Variants in KIF13B observed in about 807,000 individuals in gnomAD.
The protein encoded by KIF13B is kinesin family member 13B.
KIF13B carries 127 observed loss-of-function variants against 222.0 expected under a neutral mutation model. The ratio of observed to expected loss-of-function variants is 0.57; its 90% CI spans 0.50 to 0.66. KIF13B has a LOEUF of 0.66. Ranked by LOEUF, KIF13B falls within the 30% of genes least tolerant of loss-of-function variation. KIF13B has a pLI of 0.00. For synonymous variants in KIF13B, 976 were observed against 919.0 expected (o/e 1.06, Z -1.12); for missense variants, 2,173 against 2,379.0 (o/e 0.91, Z 1.80).
At chr8:29,174,789 C>T (rs893168952) in intron 10 of KIF13B, among the ~76,000 whole-genome samples, 19 of 152,184 alleles carry the variant, frequency 1.2e-4, no homozygotes, top group Non-Finnish European at 2.1e-4. Flanking sequence ...AACACACTGA[C>T]ATTTACGTAA....
chr8:29,163,044 AC>A (rs1156717342), intron 12 of KIF13B, among the ~76,000 whole-genome samples: 1 of 152,190 alleles, frequency 6.6e-6, no homozygotes, highest in Non-Finnish European at 1.5e-5. Context: ...TTGTCTGTCA[AC>A]CCCTGATCTA....
chr8:29,115,398 C>T (rs1422872325), intron 31 of KIF13B, among the ~76,000 whole-genome samples: 3 of 150,828 alleles, frequency 2.0e-5, no homozygotes, highest in Admixed American at 6.6e-5. Flanking sequence ...GCAATCTTGG[C>T]TCACCGCAAC....
intron 2 of KIF13B, among the ~76,000 whole-genome samples, chr8:29,225,164 G>A (rs977162232): frequency 3.3e-5 from 5 of 152,222 alleles, no homozygotes; most frequent in Non-Finnish European, 7.3e-5. Flanking sequence ...ATAGAGAATA[G>A]CACGACAGTG....
intron 2 of KIF13B, among the ~76,000 whole-genome samples, chr8:29,244,334 T>C (rs1333640318): frequency 6.6e-6 from 1 of 152,140 alleles, no homozygotes; most frequent in Non-Finnish European, 1.5e-5. Context: ...TCAACTCAAT[T>C]AAACTCAACT....
chr8:29,090,595 A>C (rs780210069), intron 37 of KIF13B, among the ~76,000 whole-genome samples: 1 of 152,196 alleles, frequency 6.6e-6, no homozygotes, highest in Non-Finnish European at 1.5e-5. Flanking sequence ...CCCTGAGAAA[A>C]GGGAAATGCC....
chr8:29,220,412 T>G (rs1429934174), intron 2 of KIF13B, among the ~76,000 whole-genome samples: 1 of 152,200 alleles, frequency 6.6e-6, no homozygotes, highest in African/African-American at 2.4e-5. Flanking sequence ...TTTTTCATCT[T>G]CAGTTGTCTC....
At chr8:29,188,443 CA>C in intron 5 of KIF13B, 71 bp downstream of exon 5, 1 of 921,672 alleles carries the variant, frequency 1.1e-6, no homozygotes, top group Non-Finnish European at 1.7e-6. Flanking sequence ...CAATGTTACT[CA>C]GTAAAATAAA....
intron 10 of KIF13B, among the ~76,000 whole-genome samples, chr8:29,173,694 G>A (rs1386004083): frequency 1.3e-5 from 2 of 151,520 alleles, no homozygotes; most frequent in African/African-American, 2.4e-5. Flanking sequence ...CTGTAATCCC[G>A]GCACTTCAGG....
chr8:29,194,200 C>T (rs1165022285), intron 3 of KIF13B, among the ~76,000 whole-genome samples: 1 of 151,566 alleles, frequency 6.6e-6, no homozygotes, highest in Non-Finnish European at 1.5e-5. Flanking sequence ...TTGGTTGAAC[C>T]ACAGATGTGA....
chr8:29,136,564 C>G (rs897145942), intron 21 of KIF13B, among the ~76,000 whole-genome samples: 2 of 123,092 alleles, frequency 1.6e-5, no homozygotes, highest in South Asian at 5.5e-4. Flanking sequence ...GCCTGGGCAA[C>G]AAGAGCGAAA....
At chr8:29,133,061 A>G (rs1438763334) in intron 22 of KIF13B, among the ~76,000 whole-genome samples, 2 of 152,160 alleles carry the variant, frequency 1.3e-5, no homozygotes, top group African/African-American at 4.8e-5. Flanking sequence ...CTCTCTATCT[A>G]TCTTTAATGT....
intron 30 of KIF13B, 136 bp downstream of exon 30, chr8:29,118,732 C>T: frequency 1.2e-6 from 1 of 830,390 alleles, no homozygotes; most frequent in South Asian, 1.7e-5. Flanking sequence ...TTCTGGAAGT[C>T]ATGATGAAAG....
At chr8:29,203,336 AC>A (rs1011756204) in intron 2 of KIF13B, among the ~76,000 whole-genome samples, 31 of 152,150 alleles carry the variant, frequency 2.0e-4, no homozygotes, top group African/African-American at 7.2e-4. Flanking sequence ...CTTGGACTCT[AC>A]AGGCTAACTC....
intron 2 of KIF13B, among the ~76,000 whole-genome samples, chr8:29,214,245 T>C (rs1488984234): frequency 6.6e-6 from 1 of 152,240 alleles, no homozygotes; most frequent in Admixed American, 6.5e-5. Flanking sequence ...TGTAAAGTTT[T>C]TACTTTATAA....
chr8:29,087,179 A>G (rs1808083786), intron 37 of KIF13B, among the ~76,000 whole-genome samples: 1 of 152,230 alleles, frequency 6.6e-6, no homozygotes, highest in East Asian at 1.9e-4. Flanking sequence ...TCTTTGGTAG[A>G]AAGAGGGAGA....
intron 14 of KIF13B, among the ~76,000 whole-genome samples, chr8:29,152,815 T>G (rs530524952): frequency 5.2e-4 from 79 of 152,252 alleles, no homozygotes; most frequent in African/African-American, 1.8e-3. Context: ...TGACCTCAAG[T>G]AATCCGCCCA....
chr8:29,071,568 G>A lies in KIF13B; in HGVS notation c.5218+52C>T. 1 of 1,483,610 alleles carries A rather than the reference G, an allele frequency of 6.7e-7. No individual in the cohort carries two copies. Among genetic ancestry groups the A allele is most frequent in the South Asian group, 1.2e-5 (1 of 82,650 alleles). 91.9% of individuals were successfully genotyped at this position (1,483,610 alleles called of 1,614,324 possible). On this transcript the variant is annotated intron_variant, in intron 39 of 39. Coordinates refer to ENST00000524189, the MANE Select transcript of KIF13B (RefSeq NM_015254.4). The surrounding 1 kb of genome is among the most constrained non-coding windows in gnomAD (Gnocchi z 4.9). ...CCCCTCCCAGGCCGGCCACGTTCCTGCTTCCCCAGACCCCCGGCACCACCC... is the reference window on the plus strand; with the variant it reads ...CCCCTCCCAGGCCGGCCACGTTCCTACTTCCCCAGACCCCCGGCACCACCC...
chr8:29,191,112 C>T, intron 3 of KIF13B, 55 bp from the exon 4 acceptor site: 1 of 1,308,650 alleles, frequency 7.6e-7, no homozygotes, highest in Non-Finnish European at 1.1e-6. Flanking sequence ...TACTTATAAA[C>T]CATAACTGAT....
In KIF13B at chr8:29,147,535, C is replaced by T; in HGVS notation, c.1881G>A (p.Glu627=). 6.2e-7 allele frequency: 1 copy of T among 1,613,782 alleles called. No homozygotes were observed. Among genetic ancestry groups the T allele is most frequent in the East Asian group, 2.2e-5 (1 of 44,888 alleles). The change falls in exon 17 of 40, where the codon GAG becomes GAA. Residue 627 remains glutamate, a synonymous_variant. Transcript: ENST00000524189. ...CGTGCTCATACATAAGCCTCTGGCG[C>T]TCCAGTGCAGATCGTTTTTCTTCTT... ...QHEEEKRSAL[E]RQRLMYEHEL...
Sources: gnomAD v4.1 joint callset for allele counts (sites outside exome capture counted in the v4.1 genomes callset) on GRCh38, gnomAD v4.1.1 for gene constraint, Gnocchi (gnomAD v3.1) non-coding constraint, MANE v1.5 for transcripts, NCBI Gene and HGNC (gene_info 2026-07-23, HGNC 2026-07-21) for gene names.